The following PDE1C variants were observed in gnomAD, a reference collection of about 807,000 sequenced individuals.
PDE1C encodes dual specificity calcium/calmodulin-dependent 3',5'-cyclic nucleotide phosphodiesterase 1C.
PDE1C carries 62 observed loss-of-function variants against 93.1 expected under a neutral mutation model. The ratio of observed to expected loss-of-function variants is 0.67; its 90% CI spans 0.54 to 0.82. The LOEUF (loss-of-function observed/expected upper bound fraction) is 0.82, where lower values mean the gene tolerates loss of function less well. PDE1C is among the 40% of genes least tolerant of loss of function. PDE1C has a pLI of 0.00. For synonymous variants in PDE1C, 325 were observed against 310.1 expected (o/e 1.05, Z -0.50); for missense variants, 742 against 884.6 (o/e 0.84, Z 2.04).
chr7:31,695,454 T>A, the PDE1C span: 3 of 1,589,484 alleles, frequency 1.9e-6, no homozygotes, highest in Non-Finnish European at 2.6e-6. Context: ...TTTCTTTGTA[T>A]CCTGTCAAAA....
intron 3 of PDE1C, among the ~76,000 whole-genome samples, chr7:32,083,016 G>A (rs112376001): frequency 0.58 from 80,446 of 138,752 alleles, 21,855 homozygotes; most frequent in African/African-American, 0.71. Context: ...TGACTTTGAC[G>A]AGTTGAGAGA....
intron 3 of PDE1C, among the ~76,000 whole-genome samples, chr7:32,166,841 G>C (rs186740663): frequency 1.3e-3 from 194 of 152,230 alleles, no homozygotes; most frequent in African/African-American, 4.4e-3. Flanking sequence ...CTTTTTATGT[G>C]AGTTTATAGA....
chr7:32,229,497 C>T (rs1807531933), intron 1 of PDE1C, among the ~76,000 whole-genome samples: 2 of 152,174 alleles, frequency 1.3e-5, no homozygotes, highest in South Asian at 2.1e-4. Context: ...GCGATTTGAC[C>T]CCATGTCTGG....
At chr7:32,323,710 A>G (rs778880708) in intron 1 of PDE1C, among the ~76,000 whole-genome samples, 8 of 152,170 alleles carry the variant, frequency 5.3e-5, no homozygotes, top group Non-Finnish European at 1.2e-4. Flanking sequence ...CTGGAAAGGA[A>G]ACTCCTGAGT....
chr7:31,942,214 A>G (rs972492593), intron 2 of PDE1C, among the ~76,000 whole-genome samples: 1 of 152,140 alleles, frequency 6.6e-6, no homozygotes, highest in African/African-American at 2.4e-5. Flanking sequence ...CCTTGTTTCA[A>G]AGCTCAGGGC....
At chr7:31,899,816 T>A (rs983515951) in intron 2 of PDE1C, among the ~76,000 whole-genome samples, 12 of 152,196 alleles carry the variant, frequency 7.9e-5, no homozygotes, top group African/African-American at 2.9e-4. Context: ...TTCCCCATTA[T>A]AGTCTCATGG....
the PDE1C span, among the ~76,000 whole-genome samples, chr7:31,672,957 T>G: frequency 6.6e-5 from 10 of 152,318 alleles, no homozygotes; most frequent in South Asian, 2.1e-3. Context: ...AAGTGTCTTG[T>G]GCCTCCCCCT....
the PDE1C span, among the ~76,000 whole-genome samples, chr7:31,671,528 G>A: frequency 6.6e-6 from 1 of 152,164 alleles, no homozygotes; most frequent in Admixed American, 6.5e-5. Context: ...TAGCCTGATA[G>A]GTCCACTAGC....
the PDE1C span, among the ~76,000 whole-genome samples, chr7:31,735,580 A>G: frequency 6.6e-6 from 1 of 152,162 alleles, no homozygotes; most frequent in Non-Finnish European, 1.5e-5. Context: ...TGACATTGTG[A>G]ACTTTGAATT....
intron 16 of PDE1C, among the ~76,000 whole-genome samples, chr7:31,780,782 CGTGT>C (rs202140101): frequency 6.1e-5 from 9 of 146,380 alleles, no homozygotes; most frequent in East Asian, 6.0e-4. Flanking sequence ...TGTGCGCATG[CGTGT>C]GTGTGCACGT....
At chr7:32,087,938 A>C (rs1175234394) in intron 3 of PDE1C, among the ~76,000 whole-genome samples, 10 of 152,036 alleles carry the variant, frequency 6.6e-5, no homozygotes, top group African/African-American at 2.4e-4. Context: ...CCAGCATGGC[A>C]CATGTATACA....
At chr7:31,633,257 G>A in the PDE1C span, among the ~76,000 whole-genome samples, 1 of 152,142 alleles carries the variant, frequency 6.6e-6, no homozygotes, top group African/African-American at 2.4e-5. Flanking sequence ...AAAGGAGTTC[G>A]ACACATTCTG....
In PDE1C at chr7:31,752,532, C is replaced by A. The variant is rs561938510; in HGVS notation, c.*852G>T. The A allele has an allele frequency of 1.6e-4, 24 of 152,196 alleles. No homozygotes were observed. Among genetic ancestry groups the A allele is most frequent in the African/African-American group, 5.8e-4 (24 of 41,538 alleles). 9.4% of individuals were successfully genotyped at this position (152,196 alleles called of 1,614,324 possible). A position where few individuals can be genotyped will look rare whatever the true frequency, so the allele number is the denominator to read the frequency against. On this transcript the variant is annotated 3_prime_UTR_variant, in exon 18 of 18. Coordinates refer to ENST00000396191, the MANE Select transcript of PDE1C (RefSeq NM_001191057.4). The stretch of plus-strand genomic sequence containing the variant: ...TTTAAACTAGGCTCAGAATTTTACA[C>A]CCTCTTGGCCTAGGACCACAAAATC...
chr7:32,164,278 T>C (rs372267740), intron 3 of PDE1C, among the ~76,000 whole-genome samples: 160 of 152,302 alleles, frequency 1.1e-3, no homozygotes, highest in African/African-American at 3.7e-3. Context: ...GGTAGGTGGA[T>C]TGAAAACATA....
the PDE1C span, among the ~76,000 whole-genome samples, chr7:31,743,073 T>G: frequency 7.2e-5 from 11 of 152,116 alleles, no homozygotes; most frequent in African/African-American, 1.9e-4. Flanking sequence ...CTATAGTTTT[T>G]TTGTTGTTGT....
chr7:32,027,130 A>C (rs1584505174), intron 2 of PDE1C, among the ~76,000 whole-genome samples: 1 of 152,158 alleles, frequency 6.6e-6, no homozygotes, highest in African/African-American at 2.4e-5. Flanking sequence ...TAGAATGTAC[A>C]TGACCCAAAG....
chr7:31,622,529 G>C, the PDE1C span, among the ~76,000 whole-genome samples: 3 of 151,032 alleles, frequency 2.0e-5, no homozygotes, highest in African/African-American at 7.3e-5. Flanking sequence ...ACGAAATGAA[G>C]GCAGAAATAA....
At chr7:32,387,623 CG>C (rs574273363) in intron 1 of PDE1C, among the ~76,000 whole-genome samples, 151 of 145,680 alleles carry the variant, frequency 1.0e-3, no homozygotes, top group African/African-American at 3.8e-3. Flanking sequence ...GCTGGCCAGG[CG>C]GGGGGCTGAT....
At chr7:32,149,094 T>C (rs752655366) in intron 3 of PDE1C, among the ~76,000 whole-genome samples, 14 of 152,268 alleles carry the variant, frequency 9.2e-5, no homozygotes, top group Admixed American at 5.9e-4. Context: ...CTTCAGTTAA[T>C]CAACAAATGT....
Sources: gnomAD v4.1 joint callset for allele counts (sites outside exome capture counted in the v4.1 genomes callset) on GRCh38, gnomAD v4.1.1 for gene constraint, MANE v1.5 for transcripts, NCBI Gene and HGNC (gene_info 2026-07-23, HGNC 2026-07-21) for gene names.